Variants in ORC2 observed in about 807,000 individuals in gnomAD.
ORC2 encodes the protein origin recognition complex subunit 2.
Under a neutral mutation model 77.7 loss-of-function variants are expected in ORC2, and 37 were observed. That is an observed-to-expected ratio of 0.48 (90% confidence interval 0.37 to 0.63). The LOEUF is 0.63. ORC2 is among the 20% of genes least tolerant of loss of function. The pLI is 0.00. For missense variants in ORC2, 557 were observed against 661.9 expected, an observed-to-expected ratio of 0.84 and a Z score of 1.74; for synonymous variants, 201 against 229.5, an observed-to-expected ratio of 0.88 and a Z score of 1.12.
chr2:200,919,046 GT>G lies in ORC2; in HGVS notation c.1466+1175del, dbSNP rs931854877. 1.2e-4 allele frequency among the ~76,000 whole-genome samples: 19 copies of G among 152,100 alleles called. 1 individual carries two copies. Among genetic ancestry groups the G allele is most frequent in the Admixed American group, 4.6e-4 (7 of 15,266 alleles). ...TAGTCTCCCTATGTTGCCCAGGCTG[GT>G]CTCAAGGTCCCAGCTGGAGCAATCC... On this transcript the variant is annotated intron_variant, in intron 15 of 17. Coordinates refer to ENST00000234296, the MANE Select transcript of ORC2 (RefSeq NM_006190.5).
chr2:200,939,956 T>C (rs992821521), intron 7 of ORC2, among the ~76,000 whole-genome samples: 1 of 152,212 alleles, frequency 6.6e-6, no homozygotes, highest in Non-Finnish European at 1.5e-5. Flanking sequence ...GTCTGGCATG[T>C]CTAATCCCAT....
chr2:200,940,558 T>C (rs1575171691), intron 7 of ORC2, among the ~76,000 whole-genome samples: 1 of 152,070 alleles, frequency 6.6e-6, no homozygotes, highest in South Asian at 2.1e-4. Flanking sequence ...TCCCAGTACT[T>C]TGAGAGGCCC....
intron 15 of ORC2, among the ~76,000 whole-genome samples, chr2:200,917,574 C>T (rs1341921967): frequency 6.6e-6 from 1 of 152,120 alleles, no homozygotes; most frequent in Non-Finnish European, 1.5e-5. Context: ...TGAGTGTATA[C>T]ATGGAGGTGG....
At chr2:200,914,531 C>CGTG (rs1286592516) in intron 15 of ORC2, among the ~76,000 whole-genome samples, 2 of 152,022 alleles carry the variant, frequency 1.3e-5, no homozygotes, top group Non-Finnish European at 2.9e-5. Flanking sequence ...ATAATCTCAC[C>CGTG]CCTTTGGGAG....
chr2:200,944,350 T>C (rs769445936), intron 5 of ORC2, among the ~76,000 whole-genome samples: 2 of 152,126 alleles, frequency 1.3e-5, no homozygotes, highest in Non-Finnish European at 2.9e-5. Flanking sequence ...ATTTTTTGTA[T>C]TTTTAGTAGA....
intron 4 of ORC2, among the ~76,000 whole-genome samples, chr2:200,952,855 A>G (rs1009375795): frequency 1.3e-5 from 2 of 151,908 alleles, no homozygotes; most frequent in Non-Finnish European, 2.9e-5. Context: ...TTACACCTCT[A>G]ATCTCAGCAC....
intron 10 of ORC2, 24 bp from the exon 11 acceptor site, chr2:200,931,472 A>G (rs1452315982): frequency 7.8e-7 from 1 of 1,286,622 alleles, no homozygotes; most frequent in East Asian, 2.6e-5. Context: ...GAGGAGGGGA[A>G]AAAAGTCATT....
rs746717209 is a variant in ORC2, at chr2:200,931,371, T to C, written c.885A>G (p.Glu295=). 1.3e-6 allele frequency: 2 copies of C among 1,510,930 alleles called. No homozygotes were observed. Among genetic ancestry groups the C allele is most frequent in the African/African-American group, 1.5e-5 (1 of 68,880 alleles). 93.6% of individuals were successfully genotyped at this position (1,510,930 alleles called of 1,614,324 possible). A position where few individuals can be genotyped will look rare whatever the true frequency, so the allele number is the denominator to read the frequency against. ...GCAGCATCCATTTATGAAATAATTT[T>C]TCATACTGTTGATTTAGTTGTTTAA... is the stretch of plus-strand genomic sequence containing the variant. ...AELKQLNQQY[E]KLFHKWMLQL... The change falls in exon 11 of 18, where the codon GAA becomes GAG. Residue 295 remains glutamate (E), a synonymous_variant. Coordinates refer to ENST00000234296, the MANE Select transcript of ORC2 (RefSeq NM_006190.5).
At chr2:200,939,228 CTTCAT>C (rs1191195057) in intron 7 of ORC2, among the ~76,000 whole-genome samples, 1 of 151,994 alleles carries the variant, frequency 6.6e-6, no homozygotes. Context: ...TTCTGTTCTA[CTTCAT>C]TTGTTAAAAA....
In ORC2 at chr2:200,963,501, C is replaced by A; in HGVS notation, c.-71G>T. 1 of 398,638 alleles carries A rather than the reference C, an allele frequency of 2.5e-6. No individual in the cohort carries two copies. The highest frequency in any genetic ancestry group is 3.6e-5 in the East Asian group (1 of 28,078). 24.7% of individuals were successfully genotyped at this position (398,638 alleles called of 1,614,324 possible). A position where few individuals can be genotyped will look rare whatever the true frequency, so the allele number is the denominator to read the frequency against. ...ACCCCACTACTCACCGCTAGGTTTCCGTCTGGCGCCGATCCGGCTGCGTCA... is the reference window on the plus strand; with the variant it reads ...ACCCCACTACTCACCGCTAGGTTTCAGTCTGGCGCCGATCCGGCTGCGTCA... On this transcript the variant is annotated 5_prime_UTR_variant, in exon 1 of 18. Coordinates refer to ENST00000234296, the MANE Select transcript of ORC2 (RefSeq NM_006190.5).
intron 9 of ORC2, among the ~76,000 whole-genome samples, chr2:200,935,183 C>T (rs1244236252): frequency 2.0e-5 from 3 of 152,188 alleles, no homozygotes; most frequent in Non-Finnish European, 2.9e-5. Context: ...AGTACAATGG[C>T]ATGATCTCGG....
At chr2:200,934,669 A>C (rs2041003405) in intron 9 of ORC2, among the ~76,000 whole-genome samples, 1 of 151,940 alleles carries the variant, frequency 6.6e-6, no homozygotes, top group South Asian at 2.1e-4. Context: ...AGTATAGCTG[A>C]AGTACTGTGA....
chr2:200,962,365 A>G (rs2041596034), intron 1 of ORC2, among the ~76,000 whole-genome samples: 1 of 152,242 alleles, frequency 6.6e-6, no homozygotes, highest in South Asian at 2.1e-4. Context: ...CTCTCCTTTG[A>G]AAACAAATAA....
At chr2:200,946,612 T>C (rs879903847) in intron 5 of ORC2, among the ~76,000 whole-genome samples, 6 of 152,334 alleles carry the variant, frequency 3.9e-5, no homozygotes, top group Middle Eastern at 3.4e-3. Flanking sequence ...GAGGATAATA[T>C]TCCAGTTTTA....
intron 11 of ORC2, among the ~76,000 whole-genome samples, chr2:200,930,368 G>T (rs185361458): frequency 2.0e-5 from 3 of 152,076 alleles, no homozygotes; most frequent in African/African-American, 7.2e-5. Flanking sequence ...AAGTTGACAC[G>T]CTGGGAGAAA....
intron 7 of ORC2, among the ~76,000 whole-genome samples, chr2:200,940,392 C>T (rs1371360013): frequency 6.6e-6 from 1 of 152,188 alleles, no homozygotes; most frequent in African/African-American, 2.4e-5. Flanking sequence ...CTAAACTTGT[C>T]TGCCTTGTCC....
chr2:200,933,450 TGG>T, intron 10 of ORC2, among the ~76,000 whole-genome samples: 1 of 152,110 alleles, frequency 6.6e-6, no homozygotes, highest in Non-Finnish European at 1.5e-5. Context: ...CAGAGATAAA[TGG>T]TAAATGGATA....
At chr2:200,949,074 A>C (rs1015739320) in intron 5 of ORC2, among the ~76,000 whole-genome samples, 4 of 151,860 alleles carry the variant, frequency 2.6e-5, no homozygotes, top group Non-Finnish European at 5.9e-5. Context: ...CCCCTTCTCT[A>C]CTAAAAATAC....
At chr2:200,952,369 C>T (rs988055682) in intron 4 of ORC2, among the ~76,000 whole-genome samples, 1 of 152,104 alleles carries the variant, frequency 6.6e-6, no homozygotes, top group African/African-American at 2.4e-5. Context: ...ATGCCATTCT[C>T]CTGCCTCCAC....
Sources: allele counts gnomAD v4.1 joint callset (sites outside exome capture counted in the v4.1 genomes callset), GRCh38; gene constraint gnomAD v4.1.1; transcripts MANE v1.5; gene names NCBI Gene and HGNC (gene_info 2026-07-23, HGNC 2026-07-21).